The following ABHD12 variants were observed in gnomAD, a reference collection of about 807,000 sequenced individuals.
ABHD12 encodes lysophosphatidylserine lipase ABHD12.
Under a neutral mutation model 58.3 loss-of-function variants are expected in ABHD12, and 43 were observed. The ratio of observed to expected loss-of-function variants is 0.74; its 90% CI spans 0.58 to 0.95. The LOEUF is 0.95. ABHD12 is among the 40% of genes least tolerant of loss of function. ABHD12 has a pLI of 0.00. For synonymous variants in ABHD12, 219 were observed against 211.2 expected (o/e 1.04, Z -0.32); for missense variants, 539 against 537.2 (o/e 1.00, Z -0.03).
At position 25,321,355 on chromosome 20, in the gene ABHD12, C is replaced by CATGGCCAGGA. The variant is rs1307340655; in HGVS notation, c.423-1047_423-1038dup. 3.3e-5 allele frequency among the ~76,000 whole-genome samples: 5 copies of CATGGCCAGGA among 152,382 alleles called. No homozygotes were observed. In the East Asian group the frequency reaches 9.6e-4, roughly 29 times the overall value. On this transcript the variant is annotated intron_variant, in intron 3 of 12. Coordinates refer to ENST00000339157, the MANE Select transcript of ABHD12 (RefSeq NM_001042472.3). ...TCTCAGCAGACAGGCGATGGCCAGG[C>CATGGCCAGGA]ATGGCCAGGAATGGCCCCCAGGCTC... is the stretch of plus-strand genomic sequence containing the variant.
intron 1 of ABHD12, among the ~76,000 whole-genome samples, chr20:25,363,955 G>T (rs1320917154): frequency 6.6e-6 from 1 of 152,144 alleles, no homozygotes; most frequent in Non-Finnish European, 1.5e-5. Context: ...GCAAAAAAAA[G>T]CTTTAGAATA....
intron 1 of ABHD12, among the ~76,000 whole-genome samples, chr20:25,357,943 C>T (rs757589028): frequency 6.6e-6 from 1 of 151,982 alleles, no homozygotes; most frequent in East Asian, 1.9e-4. Flanking sequence ...CCTGGGAGGT[C>T]GAGACTACAA....
At chr20:25,363,604 T>C (rs184308197) in intron 1 of ABHD12, among the ~76,000 whole-genome samples, 1 of 152,252 alleles carries the variant, frequency 6.6e-6, no homozygotes, top group East Asian at 1.9e-4. Context: ...CGGTGGCTCA[T>C]TCCTGTAATC....
intron 3 of ABHD12, among the ~76,000 whole-genome samples, chr20:25,322,066 T>C (rs2030012254): frequency 6.6e-6 from 1 of 152,032 alleles, no homozygotes; most frequent in African/African-American, 2.4e-5. Context: ...TAAATTCAGC[T>C]AGATAAAAGG....
chr20:25,322,383 T>TATATATA (rs1568727719), intron 3 of ABHD12, among the ~76,000 whole-genome samples: 8 of 31,568 alleles, frequency 2.5e-4, no homozygotes, highest in Admixed American at 3.9e-4. Context: ...ATATATATAT[T>TATATATA]TTTTTTTTTT....
intron 9 of ABHD12, among the ~76,000 whole-genome samples, chr20:25,307,364 T>C (rs1485205294): frequency 2.0e-5 from 3 of 152,224 alleles, no homozygotes; most frequent in Non-Finnish European, 4.4e-5. Flanking sequence ...CAGAACAGCA[T>C]GAGGCCAGCA....
rs1213534568 is a variant in ABHD12, at chr20:25,307,951, A to C, written c.867+15T>G. On this transcript the variant is annotated intron_variant, in intron 9 of 12. Transcript: ENST00000339157. ...TAATAATGAAAAGTTAATTTTTAAT[A>C]AAATCTGTACTTGCCACTGAAAATG... 1 of 1,471,556 alleles carries C rather than the reference A, an allele frequency of 6.8e-7. No individual in the cohort carries two copies. The highest frequency in any genetic ancestry group is 2.3e-5 in the East Asian group (1 of 44,438). The allele number at this position is 1,471,556 out of a possible 1,614,324, so 91.2% of individuals were successfully genotyped here. A position where few individuals can be genotyped will look rare whatever the true frequency, so the allele number is the denominator to read the frequency against.
intron 1 of ABHD12, among the ~76,000 whole-genome samples, chr20:25,359,028 C>T (rs2500446): frequency 0.6 from 90,199 of 151,156 alleles, 27,939 homozygotes; most frequent in African/African-American, 0.72. Context: ...TTAGCATATA[C>T]GAGATGACAA....
chr20:25,345,108 TG>T (rs2146048072), intron 1 of ABHD12, among the ~76,000 whole-genome samples: 1 of 151,598 alleles, frequency 6.6e-6, no homozygotes, highest in African/African-American at 2.4e-5. Context: ...TTTCTGGAGA[TG>T]GAGTCTCGCT....
At chr20:25,298,524 AGATT>A (rs1002826525), downstream of ABHD12, among the ~76,000 whole-genome samples, 1 of 152,152 alleles carries the variant, frequency 6.6e-6, no homozygotes, top group Non-Finnish European at 1.5e-5. Flanking sequence ...GAAAGTGCTG[AGATT>A]ACAGTTGTGA....
At chr20:25,383,971 A>AAG (rs1555826219) in intron 1 of ABHD12, among the ~76,000 whole-genome samples, 1 of 141,558 alleles carries the variant, frequency 7.1e-6, no homozygotes, top group African/African-American at 2.9e-5. Context: ...AAAAAAAAAA[A>AAG]AAAGAAAAAA....
chr20:25,314,130 G>A (rs1482307615), intron 6 of ABHD12, among the ~76,000 whole-genome samples: 4 of 151,890 alleles, frequency 2.6e-5, no homozygotes, highest in Non-Finnish European at 4.4e-5. Flanking sequence ...GAGCCATTAC[G>A]CCCGGTTAAT....
chr20:25,320,056 T>C, intron 4 of ABHD12, 143 bp downstream of exon 4: 1 of 1,158,152 alleles, frequency 8.6e-7, no homozygotes, highest in Non-Finnish European at 1.2e-6. Context: ...TGGGAGGCTC[T>C]CCCTCATTGC....
rs988247033 is a variant in ABHD12 at position 25,326,685 on chromosome 20, A to G, written c.317-3255T>C. Among the ~76,000 whole-genome samples the G allele has an allele frequency of 4.6e-5, 7 of 152,326 alleles. No homozygotes were observed. The South Asian group carries it at 1.4e-3, about 32-fold the overall frequency. On this transcript the variant is annotated intron_variant, in intron 2 of 12. Transcript: ENST00000339157. ...TTTATTTTGCAAACAAATCAGTCCT[A>G]TAATGATTTGTTTTTTAATAAACAT...
chr20:25,362,982 A>AC (rs1555822262), intron 1 of ABHD12, among the ~76,000 whole-genome samples: 1 of 147,598 alleles, frequency 6.8e-6, no homozygotes, highest in Non-Finnish European at 1.5e-5. Context: ...CTTTTACTTG[A>AC]TTTTTTTTTT....
chr20:25,315,422 A>T lies in ABHD12; in HGVS notation c.574-452T>A, dbSNP rs1199634838. 4.0e-5 allele frequency among the ~76,000 whole-genome samples: 6 copies of T among 150,958 alleles called. 1 individual carries two copies. The highest frequency in any genetic ancestry group is 1.2e-4 in the African/African-American group (5 of 41,060). On this transcript the variant is annotated intron_variant, in intron 5 of 12. Transcript: ENST00000339157. The stretch of plus-strand genomic sequence containing the variant: ...TTTCTTGGATTTTAAGCTCTTGTCA[A>T]TTTTTTTTTCTGTTATTTTTTTTTA...
intron 1 of ABHD12, among the ~76,000 whole-genome samples, chr20:25,342,590 AGTT>A (rs1017927045): frequency 6.6e-6 from 1 of 151,524 alleles, no homozygotes; most frequent in Admixed American, 6.6e-5. Context: ...TTACCGGTAA[AGTT>A]TTTTTGTTGT....
At chr20:25,327,039 CAA>C (rs2089188197) in intron 2 of ABHD12, among the ~76,000 whole-genome samples, 2 of 152,228 alleles carry the variant, frequency 1.3e-5, no homozygotes, top group Admixed American at 6.5e-5. Context: ...CAGAATGTTG[CAA>C]AGTGGTTCCA....
At chr20:25,347,195 A>G (rs1346417074) in intron 1 of ABHD12, among the ~76,000 whole-genome samples, 2 of 152,188 alleles carry the variant, frequency 1.3e-5, no homozygotes, top group Non-Finnish European at 1.5e-5. Context: ...TTATATCATT[A>G]TTTTTACCAG....
Sources: allele counts gnomAD v4.1 joint callset (sites outside exome capture counted in the v4.1 genomes callset), GRCh38; gene constraint gnomAD v4.1.1; transcripts MANE v1.5; gene names NCBI Gene and HGNC (gene_info 2026-07-23, HGNC 2026-07-21).